The following NFIA variants were observed in gnomAD, a reference collection of about 807,000 sequenced individuals.
The protein encoded by NFIA is nuclear factor 1 A-type.
NFIA carries 8 observed loss-of-function variants against 62.8 expected under a neutral mutation model. The observed-to-expected ratio is 0.13, with a 90% CI of 0.07 to 0.23. NFIA has a LOEUF of 0.23. NFIA is among the 10% of genes least tolerant of loss of function. The pLI, the probability that NFIA is intolerant of heterozygous loss-of-function variation, is 1.00. For missense variants in NFIA, 410 were observed against 642.1 expected, an observed-to-expected ratio of 0.64 and a Z score of 3.91; for synonymous variants, 235 against 238.1, an observed-to-expected ratio of 0.99 and a Z score of 0.12.
intron 2 of NFIA, among the ~76,000 whole-genome samples, chr1:61,089,329 AAATTGC>A (rs1270638054): frequency 1.3e-5 from 2 of 152,210 alleles, no homozygotes; most frequent in Non-Finnish European, 2.9e-5. Flanking sequence ...ACACATTGAA[AAATTGC>A]TATTGATAAT....
intron 3 of NFIA, among the ~76,000 whole-genome samples, chr1:61,312,039 G>T (rs766123306): frequency 6.6e-6 from 1 of 152,212 alleles, no homozygotes; most frequent in Non-Finnish European, 1.5e-5. Flanking sequence ...CTGTGCTGGA[G>T]ACTGTGTTAT....
At position 61,393,239 on chromosome 1, in the gene NFIA, C is replaced by T. The variant is rs74089310; in HGVS notation, c.1075+9874C>T. ...GTGGAATGGTTTCTTCTGCCTCGCC[C>T]TCTCCCTCTCTCTCTCTCTCTCTCT... On this transcript the variant is annotated intron_variant, in intron 7 of 10. Transcript: ENST00000403491. Among the ~76,000 whole-genome samples the T allele has an allele frequency of 1.6e-3, 94 of 60,452 alleles. 1 individual carries two copies. Among genetic ancestry groups the T allele is most frequent in the African/African-American group, 0.012 (88 of 7,232 alleles). 39.7% of individuals were successfully genotyped at this position (60,452 alleles called of 152,430 possible). A position where few individuals can be genotyped will look rare whatever the true frequency, so the allele number is the denominator to read the frequency against.
At chr1:61,107,853 A>G (rs1271815779) in intron 2 of NFIA, among the ~76,000 whole-genome samples, 2 of 151,588 alleles carry the variant, frequency 1.3e-5, no homozygotes, top group African/African-American at 2.4e-5. Flanking sequence ...TAGGGATCCA[A>G]TTTCATTTTA....
chr1:61,367,697 G>A (rs1394958336), intron 6 of NFIA, among the ~76,000 whole-genome samples: 3 of 152,094 alleles, frequency 2.0e-5, no homozygotes, highest in African/African-American at 7.2e-5. Context: ...TCTTTATCAA[G>A]GCTGTTTTTT....
intron 3 of NFIA, among the ~76,000 whole-genome samples, chr1:61,302,578 T>A (rs1659549384): frequency 6.6e-6 from 1 of 152,168 alleles, no homozygotes; most frequent in African/African-American, 2.4e-5. Flanking sequence ...ATTTTTTGTG[T>A]TTAGTCTTCG....
At chr1:61,096,025 C>T (rs1437386857) in intron 2 of NFIA, among the ~76,000 whole-genome samples, 1 of 151,832 alleles carries the variant, frequency 6.6e-6, no homozygotes, top group African/African-American at 2.4e-5. Flanking sequence ...ATGTAAAATT[C>T]ACTTTGCTCT....
At chr1:61,317,996 T>C (rs1260236088) in intron 3 of NFIA, among the ~76,000 whole-genome samples, 1 of 152,166 alleles carries the variant, frequency 6.6e-6, no homozygotes, top group Non-Finnish European at 1.5e-5. Flanking sequence ...CTGCCCCTCC[T>C]ACTTTATTGT....
chr1:61,369,899 C>G, intron 6 of NFIA, among the ~76,000 whole-genome samples: 1 of 152,050 alleles, frequency 6.6e-6, no homozygotes, highest in East Asian at 1.9e-4. Flanking sequence ...TATATTTTTC[C>G]TACATACTGA....
intron 2 of NFIA, among the ~76,000 whole-genome samples, chr1:61,126,460 A>ACACACACACACACACACT (rs1366251696): frequency 7.0e-6 from 1 of 142,038 alleles, no homozygotes; most frequent in Non-Finnish European, 1.6e-5. Flanking sequence ...ACACACACAC[A>ACACACACACACACACACT]CACACACACA....
At chr1:61,176,128 G>A (rs1650327405) in intron 2 of NFIA, among the ~76,000 whole-genome samples, 1 of 152,142 alleles carries the variant, frequency 6.6e-6, no homozygotes, top group South Asian at 2.1e-4. Context: ...GCCTAGTTCT[G>A]CCCAGGCCGA....
intron 10 of NFIA, among the ~76,000 whole-genome samples, chr1:61,449,109 A>G (rs1667950698): frequency 6.6e-6 from 1 of 152,184 alleles, no homozygotes; most frequent in Non-Finnish European, 1.5e-5. Flanking sequence ...TTACAAAACT[A>G]TTGCACATGC....
At chr1:61,102,517 T>C (rs556963704) in intron 2 of NFIA, among the ~76,000 whole-genome samples, 46 of 152,328 alleles carry the variant, frequency 3.0e-4, no homozygotes, top group African/African-American at 1.1e-3. Flanking sequence ...CCCTATCTTA[T>C]TTTTTGGTAA....
chr1:61,187,414 T>G (rs1651269152), intron 2 of NFIA, among the ~76,000 whole-genome samples: 1 of 152,212 alleles, frequency 6.6e-6, no homozygotes, highest in Admixed American at 6.5e-5. Context: ...GCCTTAGTCA[T>G]TTAAAAATTA....
At chr1:61,246,278 A>G (rs974441722) in intron 2 of NFIA, among the ~76,000 whole-genome samples, 4 of 152,226 alleles carry the variant, frequency 2.6e-5, no homozygotes, top group Non-Finnish European at 5.9e-5. Flanking sequence ...TTGCCAAGAC[A>G]TAAATATAGT....
intron 9 of NFIA, among the ~76,000 whole-genome samples, chr1:61,423,001 CAG>C (rs1158425853): frequency 6.6e-6 from 1 of 152,086 alleles, no homozygotes; most frequent in Non-Finnish European, 1.5e-5. Context: ...GGGGGTAACA[CAG>C]AAAGAATGCA....
chr1:61,411,395 G>C (rs964917640), intron 9 of NFIA, among the ~76,000 whole-genome samples: 3 of 152,154 alleles, frequency 2.0e-5, no homozygotes, highest in African/African-American at 7.2e-5. Context: ...ACTGTGCCAG[G>C]TCTCTTTAGG....
intron 2 of NFIA, among the ~76,000 whole-genome samples, chr1:61,114,032 G>T (rs1646754477): frequency 6.6e-6 from 1 of 152,120 alleles, no homozygotes; most frequent in South Asian, 2.1e-4. Context: ...ACAGACAGTG[G>T]AACAGTAGCT....
chr1:61,315,815 C>T (rs1319341421), intron 3 of NFIA, among the ~76,000 whole-genome samples: 1 of 152,154 alleles, frequency 6.6e-6, no homozygotes, highest in Admixed American at 6.5e-5. Flanking sequence ...TTTTAGTTCA[C>T]CTGCATCCTT....
chr1:61,086,236 G>C (rs1292010051), intron 1 of NFIA, among the ~76,000 whole-genome samples: 3 of 152,052 alleles, frequency 2.0e-5, no homozygotes, highest in Admixed American at 6.6e-5. Context: ...AAGAAAATCA[G>C]TCAATGTGAA....
Sources: gnomAD v4.1 joint callset for allele counts (sites outside exome capture counted in the v4.1 genomes callset) on GRCh38, gnomAD v4.1.1 for gene constraint, MANE v1.5 for transcripts, NCBI Gene and HGNC (gene_info 2026-07-23, HGNC 2026-07-21) for gene names.